EYS: variants seen among roughly 807,000 people sequenced by gnomAD.
The protein encoded by EYS is protein eyes shut homolog.
EYS carries 250 observed loss-of-function variants against 282.1 expected under a neutral mutation model. The observed-to-expected ratio is 0.89, with a 90% confidence interval of 0.80 to 0.98. EYS has a LOEUF of 0.98. Among genes scored for constraint, EYS ranks in the 50% least tolerant of loss-of-function variants. The probability of loss-of-function intolerance (pLI) is 0.00; values close to 1 mark genes in which losing one functional copy is unlikely to be tolerated. For synonymous variants in EYS, 1,355 were observed against 1,282.9 expected, an observed-to-expected ratio of 1.06 and a Z score of -1.20; for missense variants, 4,016 against 3,709.0, an observed-to-expected ratio of 1.08 and a Z score of -2.15.
chr6:64,943,338 C>T (rs897874943), intron 15 of EYS, among the ~76,000 whole-genome samples: 3 of 151,944 alleles, frequency 2.0e-5, no homozygotes, highest in Admixed American at 6.6e-5. Context: ...ACCGGAAGTC[C>T]GAGCCAGAGC....
chr6:65,206,324 C>T (rs569617850), intron 12 of EYS, among the ~76,000 whole-genome samples: 2 of 151,288 alleles, frequency 1.3e-5, no homozygotes, highest in African/African-American at 4.8e-5. Flanking sequence ...ATACAACCTC[C>T]GAAAATTGAA....
chr6:65,488,698 G>T (rs545318352), intron 5 of EYS, among the ~76,000 whole-genome samples: 2 of 152,254 alleles, frequency 1.3e-5, no homozygotes, highest in East Asian at 3.9e-4. Flanking sequence ...AACAAAGCTG[G>T]AGGTATCATG....
chr6:65,199,167 A>C (rs1765840533), intron 12 of EYS, among the ~76,000 whole-genome samples: 1 of 152,160 alleles, frequency 6.6e-6, no homozygotes, highest in South Asian at 2.1e-4. Flanking sequence ...TACTGCTGTT[A>C]AAACAATTTT....
chr6:65,406,867 A>G (rs968641359), intron 5 of EYS, among the ~76,000 whole-genome samples: 2 of 152,104 alleles, frequency 1.3e-5, no homozygotes, highest in Admixed American at 6.5e-5. Context: ...GCATATAGCT[A>G]TATAGTAGGT....
intron 26 of EYS, among the ~76,000 whole-genome samples, chr6:64,445,477 T>C (rs550600669): frequency 2.0e-5 from 3 of 152,208 alleles, no homozygotes; most frequent in Middle Eastern, 3.2e-3. Flanking sequence ...TAATTTTGTA[T>C]GCTTTTGGTA....
At chr6:63,987,051 A>T (rs1362465746) in intron 34 of EYS, among the ~76,000 whole-genome samples, 1 of 151,760 alleles carries the variant, frequency 6.6e-6, no homozygotes, top group East Asian at 1.9e-4. Flanking sequence ...TTATTTGATC[A>T]ATACAACAGG....
At chr6:65,344,536 A>G (rs550675734) in intron 9 of EYS, among the ~76,000 whole-genome samples, 8 of 151,806 alleles carry the variant, frequency 5.3e-5, no homozygotes, top group African/African-American at 1.4e-4. Flanking sequence ...GAGATTGCAA[A>G]AGAGCAGAAG....
At chr6:64,001,116 C>G (rs769892862) in intron 33 of EYS, among the ~76,000 whole-genome samples, 3 of 152,178 alleles carry the variant, frequency 2.0e-5, no homozygotes, top group Non-Finnish European at 4.4e-5. Flanking sequence ...CTGAGATAAT[C>G]CGTTGACTGG....
At chr6:64,288,672 A>G (rs1768587256) in intron 30 of EYS, among the ~76,000 whole-genome samples, 1 of 152,050 alleles carries the variant, frequency 6.6e-6, no homozygotes, top group South Asian at 2.1e-4. Context: ...GCTCCACATG[A>G]TTGCATTTTT....
At chr6:63,806,124 C>T in intron 37 of EYS, 66 bp downstream of exon 37, 3 of 1,357,588 alleles carry the variant, frequency 2.2e-6, no homozygotes, top group South Asian at 2.8e-5. Flanking sequence ...TTAGAGTGTC[C>T]CTGAGGAATC....
intron 2 of EYS, among the ~76,000 whole-genome samples, chr6:65,580,722 T>C (rs1390295234): frequency 6.6e-6 from 1 of 151,996 alleles, no homozygotes; most frequent in Non-Finnish European, 1.5e-5. Flanking sequence ...TGGATACAAT[T>C]TTAACCTTGA....
intron 18 of EYS, among the ~76,000 whole-genome samples, chr6:64,891,624 T>C (rs1016789523): frequency 1.3e-5 from 2 of 152,114 alleles, no homozygotes; most frequent in Non-Finnish European, 2.9e-5. Context: ...TATTACCTGC[T>C]GAGGGTCCCT....
intron 37 of EYS, 105 bp from the exon 38 acceptor site, chr6:63,789,329 T>C (rs1287251149): frequency 9.2e-7 from 1 of 1,088,036 alleles, no homozygotes; most frequent in African/African-American, 1.6e-5. Flanking sequence ...GTATGGTAAG[T>C]TATAATACAT....
At chr6:65,216,071 A>C (rs1485174124) in intron 12 of EYS, among the ~76,000 whole-genome samples, 2 of 152,176 alleles carry the variant, frequency 1.3e-5, no homozygotes, top group Non-Finnish European at 2.9e-5. Context: ...AGCATGGTAC[A>C]CAAAGATGTA....
intron 30 of EYS, among the ~76,000 whole-genome samples, chr6:64,244,869 G>A (rs1391489761): frequency 6.6e-6 from 1 of 152,006 alleles, no homozygotes; most frequent in Non-Finnish European, 1.5e-5. Flanking sequence ...GGGTATATGT[G>A]CACAACGTGC....
chr6:65,481,949 C>A (rs761322348), intron 5 of EYS, among the ~76,000 whole-genome samples: 1 of 152,066 alleles, frequency 6.6e-6, no homozygotes. Context: ...GGATTCATCA[C>A]AATGGAAGAA....
chr6:64,905,666 A>T (rs944050517), intron 16 of EYS, among the ~76,000 whole-genome samples: 1 of 152,186 alleles, frequency 6.6e-6, no homozygotes, highest in Non-Finnish European at 1.5e-5. Flanking sequence ...TTATTTTTTA[A>T]AATCACTTAG....
At chr6:64,858,434 T>C (rs1407585180) in intron 19 of EYS, among the ~76,000 whole-genome samples, 1 of 152,104 alleles carries the variant, frequency 6.6e-6, no homozygotes, top group African/African-American at 2.4e-5. Context: ...TTGGGTTTTC[T>C]ATCCTGTTCC....
intron 6 of EYS, among the ~76,000 whole-genome samples, chr6:65,404,159 G>A (rs1218332701): frequency 2.6e-5 from 4 of 151,632 alleles, no homozygotes; most frequent in African/African-American, 9.7e-5. Context: ...TTCATTTATG[G>A]TCCCTTCCTC....
Sources: gnomAD v4.1 joint callset for allele counts (sites outside exome capture counted in the v4.1 genomes callset) on GRCh38, gnomAD v4.1.1 for gene constraint, MANE v1.5 for transcripts, NCBI Gene and HGNC (gene_info 2026-07-23, HGNC 2026-07-21) for gene names.